The following NOL8 variants were observed in gnomAD, a reference collection of about 807,000 sequenced individuals.
The protein encoded by NOL8 is nucleolar protein 8, also known as nucleolar protein Nop132.
NOL8 carries 93 observed loss-of-function variants against 116.1 expected under a neutral mutation model. That is an observed-to-expected ratio of 0.80 (90% CI 0.68 to 0.95). NOL8 has a LOEUF of 0.95. Among genes scored for constraint, NOL8 ranks in the 40% least tolerant of loss-of-function variants. The pLI is 0.00. For synonymous variants in NOL8, 419 were observed against 469.0 expected, an observed-to-expected ratio of 0.89 and a Z score of 1.38; for missense variants, 1,291 against 1,382.8, an observed-to-expected ratio of 0.93 and a Z score of 1.05.
Position 92,315,048 on chromosome 9 carries a change from G to A in NOL8, c.1577C>T (p.Pro526Leu). Residue 526 changes from proline (P) to leucine (L), a missense_variant, in exon 7 of 17, where the codon CCC becomes CTC. Pro to Leu is a moderately conservative substitution (Grantham distance 98). Coordinates refer to ENST00000442668, the MANE Select transcript of NOL8 (RefSeq NM_017948.6). ...QCKFDRGSKS[P>L]KTPTGLRRGR... ...TCTGCGGAGGCCAGTGGGAGTCTTG[G>A]GGCTCTTGGAGCCTCTGTCAAACTT... 6.2e-7 allele frequency: 1 copy of A among 1,614,016 alleles called. No individual in the cohort carries two copies. Among genetic ancestry groups the A allele is most frequent in the Non-Finnish European group, 8.5e-7 (1 of 1,179,894 alleles).
intron 3 of NOL8, chr9:92,323,166 C>G: frequency 1.7e-6 from 1 of 571,912 alleles, no homozygotes; most frequent in South Asian, 2.4e-5. Flanking sequence ...ATATATGTAA[C>G]AGGCAGTTTC....
At position 92,314,990 on chromosome 9, in the gene NOL8, C is replaced by T. The variant is rs1839234732; in HGVS notation, c.1635G>A (p.Val545=). Residue 545 remains valine (V), a synonymous_variant, in exon 7 of 17, where the codon GTG becomes GTA. Transcript: ENST00000442668. ...TCTCCTCTCCTTCTAACAGGGAAGCCACAATCTCCGCAGGACGAATACACT... is the reference window on the plus strand; with the variant it reads ...TCTCCTCTCCTTCTAACAGGGAAGCTACAATCTCCGCAGGACGAATACACT... ...GRQCIRPAEI[V]ASLLEGEENT... The T allele has an allele frequency of 6.2e-7, 1 of 1,613,992 alleles. No homozygotes were observed. Among genetic ancestry groups the T allele is most frequent in the East Asian group, 2.2e-5 (1 of 44,884 alleles).
chr9:92,321,951 C>G (rs1476932065), intron 3 of NOL8, among the ~76,000 whole-genome samples: 2 of 152,202 alleles, frequency 1.3e-5, no homozygotes, highest in Non-Finnish European at 2.9e-5. Flanking sequence ...AGTCTTTACA[C>G]TCCCTATCTC....
At chr9:92,311,070 T>G in intron 8 of NOL8, 76 bp downstream of exon 8, 4 of 1,183,786 alleles carry the variant, frequency 3.4e-6, no homozygotes, top group Non-Finnish European at 4.9e-6. Context: ...GGGTTTTATG[T>G]TGAGATTGCC....
At chr9:92,322,012 AT>A (rs1462158279) in intron 3 of NOL8, among the ~76,000 whole-genome samples, 1 of 152,224 alleles carries the variant, frequency 6.6e-6, no homozygotes, top group Admixed American at 6.5e-5. Flanking sequence ...GTAAAGCAAA[AT>A]TTATTTGCAA....
At chr9:92,299,520 G>A (rs143989830) in intron 14 of NOL8, among the ~76,000 whole-genome samples, 4,657 of 152,264 alleles carry the variant, frequency 0.031, 112 homozygotes, top group South Asian at 0.079. Flanking sequence ...GGAGGCCAAG[G>A]TGGGCAGATT....
Position 92,311,245 on chromosome 9 carries a change from C to T in NOL8, c.2373G>A (p.Glu791=). 6.2e-7 allele frequency: 1 copy of T among 1,613,262 alleles called. No individual in the cohort carries two copies. The highest frequency in any genetic ancestry group is 8.5e-7 in the Non-Finnish European group (1 of 1,179,368). The part of the protein sequence containing the change: ...NALANLDGHP[E]DKPTHIIFGS... ...CGAAGATGATGTGCGTTGGCTTATC[C>T]TCTGGATGACCATCCTAGGGAGGCC... Residue 791 remains glutamate (E), a synonymous_variant, in exon 8 of 17, where the codon GAG becomes GAA. Coordinates refer to ENST00000442668, the MANE Select transcript of NOL8 (RefSeq NM_017948.6).
intron 12 of NOL8, among the ~76,000 whole-genome samples, chr9:92,304,568 C>T (rs953970010): frequency 6.6e-6 from 1 of 151,990 alleles, no homozygotes; most frequent in African/African-American, 2.4e-5. Context: ...TTGTTCAATA[C>T]GGATTATCTG....
chr9:92,313,187 A>C (rs1839008971), intron 7 of NOL8, among the ~76,000 whole-genome samples: 1 of 152,094 alleles, frequency 6.6e-6, no homozygotes, highest in African/African-American at 2.4e-5. Flanking sequence ...CTATCAATTA[A>C]ACTTTTTGGT....
intron 4 of NOL8, among the ~76,000 whole-genome samples, chr9:92,321,449 C>G (rs1839915315): frequency 6.6e-6 from 1 of 152,210 alleles, no homozygotes; most frequent in Non-Finnish European, 1.5e-5. Context: ...TACATATATA[C>G]TTTTATAGCT....
intron 7 of NOL8, among the ~76,000 whole-genome samples, chr9:92,312,629 C>A (rs1169915111): frequency 1.3e-5 from 2 of 150,826 alleles, no homozygotes; most frequent in African/African-American, 4.9e-5. Context: ...GAATTTGAGA[C>A]CAGCCTGGCC....
chr9:92,306,016 CAG>C (rs1838223088), intron 11 of NOL8, among the ~76,000 whole-genome samples, 186 bp from the exon 12 acceptor site: 1 of 152,126 alleles, frequency 6.6e-6, no homozygotes, highest in Admixed American at 6.5e-5. Context: ...TTCTTGGAGA[CAG>C]AGTCTCGCTG....
At chr9:92,318,510 GCAAA>G (rs549397536) in intron 6 of NOL8, 104 bp downstream of exon 6, 18 of 788,058 alleles carry the variant, frequency 2.3e-5, no homozygotes, top group Admixed American at 6.3e-5. Flanking sequence ...CTGGGAACAC[GCAAA>G]CAAACACCTA....
At position 92,298,248 on chromosome 9, in the gene NOL8, A is replaced by G; in HGVS notation, c.3453+9T>C. On this transcript the variant is annotated intron_variant, in intron 16 of 16. Coordinates refer to ENST00000442668, the MANE Select transcript of NOL8 (RefSeq NM_017948.6). ...TTTTAGGAAATAATATGGAGAAACAATTACTCACCATACGCAGGTTGGTTG... is the reference window on the plus strand; with the variant it reads ...TTTTAGGAAATAATATGGAGAAACAGTTACTCACCATACGCAGGTTGGTTG... The G allele has an allele frequency of 1.9e-6, 3 of 1,586,542 alleles. No individual in the cohort carries two copies. Among genetic ancestry groups the G allele is most frequent in the Middle Eastern group, 1.7e-4 (1 of 6,026 alleles).
intron 14 of NOL8, among the ~76,000 whole-genome samples, chr9:92,299,202 CTTGT>C (rs1248978725): frequency 1.3e-5 from 2 of 152,148 alleles, no homozygotes; most frequent in Non-Finnish European, 2.9e-5. Context: ...ATAATGAAGA[CTTGT>C]TTAAGTAGAA....
At chr9:92,305,055 A>G (rs901883789) in intron 12 of NOL8, among the ~76,000 whole-genome samples, 5 of 151,866 alleles carry the variant, frequency 3.3e-5, no homozygotes, top group Admixed American at 3.3e-4. Flanking sequence ...GTTGCCCCCC[A>G]AAAGCTATGT....
chr9:92,315,921 A>G lies in NOL8; in HGVS notation c.704T>C (p.Met235Thr). 6.2e-7 allele frequency: 1 copy of G among 1,613,854 alleles called. No individual in the cohort carries two copies. The highest frequency in any genetic ancestry group is 8.5e-7 in the Non-Finnish European group (1 of 1,179,880). ...TATTACCCTCCTGGGCCTTGTACTC[A>G]TGGCCAGAGACCCAGTGGAACTCTC... ...KDESSTGSLA[M>T]STRPRRVIER... is the part of the protein sequence containing the mutation. Residue 235 changes from methionine to threonine, a missense_variant, in exon 7 of 17, where the codon ATG (methionine) becomes ACG (threonine). Physicochemically the swap from Met to Thr is moderately conservative, Grantham distance 81. Transcript: ENST00000442668.
At chr9:92,314,228 T>C in intron 7 of NOL8, 39 bp downstream of exon 7, 1 of 1,506,144 alleles carries the variant, frequency 6.6e-7, no homozygotes, top group Non-Finnish European at 8.9e-7. Context: ...CTGAACTTTC[T>C]GAGTTCTTGT....
intron 12 of NOL8, among the ~76,000 whole-genome samples, chr9:92,303,636 A>T (rs1837954873): frequency 6.6e-6 from 1 of 152,194 alleles, no homozygotes; most frequent in Non-Finnish European, 1.5e-5. Context: ...CCCTAAAAAG[A>T]GATAAGAAGC....
Sources: gnomAD v4.1 joint callset for allele counts (sites outside exome capture counted in the v4.1 genomes callset) on GRCh38, gnomAD v4.1.1 for gene constraint, MANE v1.5 for transcripts, NCBI Gene and HGNC (gene_info 2026-07-23, HGNC 2026-07-21) for gene names.